Variants in CNTN5 observed in about 807,000 individuals in gnomAD.
CNTN5 encodes the protein contactin-5.
In CNTN5, 77 loss-of-function variants were observed where a neutral mutation model predicts 129.1. The observed-to-expected ratio is 0.60, with a 90% confidence interval of 0.50 to 0.72. The LOEUF (loss-of-function observed/expected upper bound fraction) is 0.72, where lower values mean the gene tolerates loss of function less well. Ranked by LOEUF, CNTN5 falls within the 30% of genes least tolerant of loss-of-function variation. The pLI is 0.00. For synonymous variants in CNTN5, 509 were observed against 465.6 expected (o/e 1.09, Z -1.20); for missense variants, 1,478 against 1,328.8 (o/e 1.11, Z -1.75).
chr11:99,473,307 A>T (rs1373642606), intron 2 of CNTN5, among the ~76,000 whole-genome samples: 3 of 152,154 alleles, frequency 2.0e-5, no homozygotes, highest in Non-Finnish European at 4.4e-5. Flanking sequence ...TTCACTTTTA[A>T]ACATATATCT....
chr11:99,869,472 T>A (rs1420762205), intron 6 of CNTN5, among the ~76,000 whole-genome samples: 1 of 152,188 alleles, frequency 6.6e-6, no homozygotes. Flanking sequence ...TGGTATAATT[T>A]TAAACTGAGA....
chr11:99,711,360 C>T (rs1014995024), intron 3 of CNTN5, among the ~76,000 whole-genome samples: 6 of 151,756 alleles, frequency 4.0e-5, no homozygotes, highest in Non-Finnish European at 8.8e-5. Context: ...TTAATCACAG[C>T]TATATTACCT....
At chr11:99,915,954 C>A (rs1949777933) in intron 6 of CNTN5, 100 bp from the exon 7 acceptor site, 12 of 871,300 alleles carry the variant, frequency 1.4e-5, no homozygotes, top group Non-Finnish European at 2.0e-5. Flanking sequence ...ACAAAAGACA[C>A]CTTGTGAAGA....
At chr11:99,310,979 C>T (rs2511796) in intron 1 of CNTN5, among the ~76,000 whole-genome samples, 138,105 of 152,168 alleles carry the variant, frequency 0.91, 62,879 homozygotes, top group East Asian at 1. Flanking sequence ...TCACCCATGC[C>T]GGAATGCGGT....
intron 2 of CNTN5, among the ~76,000 whole-genome samples, chr11:99,539,410 T>C (rs529092357): frequency 1.3e-5 from 2 of 152,080 alleles, no homozygotes; most frequent in Non-Finnish European, 1.5e-5. Context: ...CGTTTTATTG[T>C]TTGTGATCTA....
intron 2 of CNTN5, among the ~76,000 whole-genome samples, chr11:99,439,734 A>T (rs920323243): frequency 7.3e-5 from 11 of 150,452 alleles, no homozygotes; most frequent in African/African-American, 2.7e-4. Flanking sequence ...AAGAAAAAGA[A>T]AAAAAGAAAT....
intron 9 of CNTN5, among the ~76,000 whole-genome samples, chr11:100,041,029 T>A (rs1347135329): frequency 6.6e-6 from 1 of 152,136 alleles, no homozygotes; most frequent in Non-Finnish European, 1.5e-5. Context: ...ACCCGGTACC[T>A]CAGTTGGAAA....
intron 2 of CNTN5, among the ~76,000 whole-genome samples, chr11:99,395,285 T>C (rs541883599): frequency 8.6e-5 from 13 of 152,034 alleles, no homozygotes; most frequent in Non-Finnish European, 5.9e-5. Context: ...ATTTCTCTAA[T>C]GATCGGTGGT....
At chr11:99,630,417 A>G (rs1022581151) in intron 3 of CNTN5, among the ~76,000 whole-genome samples, 3 of 152,046 alleles carry the variant, frequency 2.0e-5, no homozygotes, top group Non-Finnish European at 4.4e-5. Context: ...TCTTCTAATC[A>G]TGTGAACATG....
chr11:100,140,756 G>A (rs1028692055), intron 13 of CNTN5, among the ~76,000 whole-genome samples: 1 of 152,064 alleles, frequency 6.6e-6, no homozygotes, highest in African/African-American at 2.4e-5. Flanking sequence ...AATGAAAAAC[G>A]GCAAGCTAGG....
chr11:99,150,802 A>T (rs2135487077), intron 1 of CNTN5, among the ~76,000 whole-genome samples: 1 of 152,194 alleles, frequency 6.6e-6, no homozygotes, highest in African/African-American at 2.4e-5. Context: ...GTGGTTTGGG[A>T]TTAACTTTTC....
At chr11:99,358,137 G>T in intron 2 of CNTN5, among the ~76,000 whole-genome samples, 1 of 142,656 alleles carries the variant, frequency 7.0e-6, no homozygotes, top group Non-Finnish European at 1.5e-5. Context: ...CGCCCAGGCT[G>T]GAGTGCAGTG....
At chr11:100,010,874 T>A (rs879529152) in intron 9 of CNTN5, among the ~76,000 whole-genome samples, 1 of 152,094 alleles carries the variant, frequency 6.6e-6, no homozygotes, top group Admixed American at 6.6e-5. Flanking sequence ...CAAATGCCCC[T>A]CCTCCATTAA....
chr11:99,740,725 A>G (rs997451418), intron 3 of CNTN5, among the ~76,000 whole-genome samples: 1 of 152,186 alleles, frequency 6.6e-6, no homozygotes, highest in African/African-American at 2.4e-5. Context: ...TCAGTGATAC[A>G]TATTTGCTGG....
chr11:99,305,272 A>G (rs1228176177), intron 1 of CNTN5, among the ~76,000 whole-genome samples: 1 of 152,226 alleles, frequency 6.6e-6, no homozygotes, highest in African/African-American at 2.4e-5. Flanking sequence ...AGTAAAGTGT[A>G]AAGTGTCATG....
chr11:100,098,128 T>C (rs1945075832), intron 13 of CNTN5, among the ~76,000 whole-genome samples: 1 of 151,976 alleles, frequency 6.6e-6, no homozygotes, highest in Admixed American at 6.6e-5. Flanking sequence ...AGTGCTTAAG[T>C]ATGGAGAGAC....
chr11:99,233,976 T>A (rs1311038302), intron 1 of CNTN5, among the ~76,000 whole-genome samples: 2 of 152,026 alleles, frequency 1.3e-5, no homozygotes, highest in Non-Finnish European at 2.9e-5. Context: ...AAATAATAAT[T>A]TGTTTTAACA....
chr11:100,072,806 A>G (rs944028560), intron 12 of CNTN5, among the ~76,000 whole-genome samples: 12 of 152,016 alleles, frequency 7.9e-5, no homozygotes, highest in Middle Eastern at 3.2e-3. Context: ...CTTCCTTTCA[A>G]TCTCCTTCAT....
At chr11:99,928,694 G>C (rs1238352248) in intron 7 of CNTN5, among the ~76,000 whole-genome samples, 1 of 152,152 alleles carries the variant, frequency 6.6e-6, no homozygotes, top group Non-Finnish European at 1.5e-5. Context: ...TCTCATCCTA[G>C]GCCTGTGGGC....
Sources: gnomAD v4.1 joint callset for allele counts (sites outside exome capture counted in the v4.1 genomes callset) on GRCh38, gnomAD v4.1.1 for gene constraint, MANE v1.5 for transcripts, NCBI Gene and HGNC (gene_info 2026-07-23, HGNC 2026-07-21) for gene names.